Variants in PRKCH observed in about 807,000 individuals in gnomAD.
PRKCH encodes the protein protein kinase C eta, also known as protein kinase C eta type.
In PRKCH, 28 loss-of-function variants were observed where a neutral mutation model predicts 82.5. The observed-to-expected ratio is 0.34, with a 90% confidence interval of 0.25 to 0.47. PRKCH has a LOEUF of 0.47. Ranked by LOEUF, PRKCH falls within the 20% of genes least tolerant of loss-of-function variation. The pLI is 1.00. For synonymous variants in PRKCH, 322 were observed against 327.4 expected (o/e 0.98, Z 0.18); for missense variants, 705 against 881.8 (o/e 0.80, Z 2.54).
chr14:61,410,267 A>G (rs1023377002), intron 2 of PRKCH, among the ~76,000 whole-genome samples: 1 of 152,132 alleles, frequency 6.6e-6, no homozygotes, highest in African/African-American at 2.4e-5. Context: ...TAAATCTAGT[A>G]TTTGATTATT....
intron 1 of PRKCH, among the ~76,000 whole-genome samples, chr14:61,235,377 A>G (rs1348129466): frequency 6.6e-6 from 1 of 152,188 alleles, no homozygotes; most frequent in African/African-American, 2.4e-5. Flanking sequence ...ATCATTCCCA[A>G]CGGTATGTTA....
At chr14:61,347,292 G>A (rs1178406216) in intron 1 of PRKCH, among the ~76,000 whole-genome samples, 3 of 152,276 alleles carry the variant, frequency 2.0e-5, no homozygotes, top group East Asian at 3.8e-4. Flanking sequence ...TGGGGTTGAG[G>A]TATTGCAGTT....
intron 10 of PRKCH, chr14:61,525,849 C>G (rs746334620): frequency 6.6e-6 from 1 of 152,240 alleles, no homozygotes; most frequent in Non-Finnish European, 1.5e-5. Context: ...ACAGGCCTGG[C>G]TTGTCAGGCT....
chr14:61,413,384 T>A (rs1419538065), intron 2 of PRKCH, among the ~76,000 whole-genome samples: 2 of 135,606 alleles, frequency 1.5e-5, no homozygotes, highest in Non-Finnish European at 3.2e-5. Context: ...ATGACAACCT[T>A]CATCATTTCT....
chr14:61,391,342 C>G (rs1224032451), intron 2 of PRKCH, 54 bp downstream of exon 2: 1 of 1,396,032 alleles, frequency 7.2e-7, no homozygotes, highest in Admixed American at 2.1e-5. Flanking sequence ...GGTTTACACT[C>G]AGTAGGAATT....
intron 1 of PRKCH, among the ~76,000 whole-genome samples, chr14:61,309,024 C>A (rs1417445321): frequency 2.7e-5 from 4 of 149,858 alleles, no homozygotes; most frequent in African/African-American, 1.0e-4. Flanking sequence ...TGTCTCATGC[C>A]TATAATCCTA....
intron 2 of PRKCH, among the ~76,000 whole-genome samples, chr14:61,410,599 A>G (rs1428689407): frequency 6.6e-6 from 1 of 152,208 alleles, no homozygotes; most frequent in Non-Finnish European, 1.5e-5. Context: ...ATTGTGGCCA[A>G]TGGAGTGAGG....
At chr14:61,246,141 C>T (rs1007995548) in intron 1 of PRKCH, among the ~76,000 whole-genome samples, 20 of 151,950 alleles carry the variant, frequency 1.3e-4, no homozygotes, top group African/African-American at 4.8e-4. Context: ...CGCGGTGGCT[C>T]ACACCTATAA....
chr14:61,302,137 T>C (rs894253478), intron 1 of PRKCH, among the ~76,000 whole-genome samples: 1 of 152,236 alleles, frequency 6.6e-6, no homozygotes, highest in Non-Finnish European at 1.5e-5. Context: ...TTATCTAAGT[T>C]GTTGAATTTA....
chr14:61,306,253 T>C (rs917708440), intron 1 of PRKCH: 1 of 152,238 alleles, frequency 6.6e-6, no homozygotes, highest in African/African-American at 2.4e-5. Flanking sequence ...CCAGTTCTCT[T>C]GTTCATAGCA....
chr14:61,327,417 A>T (rs112948901), intron 1 of PRKCH, among the ~76,000 whole-genome samples: 11 of 152,314 alleles, frequency 7.2e-5, no homozygotes, highest in African/African-American at 2.6e-4. Context: ...CTGACTGATC[A>T]ACCCACAGTG....
intron 2 of PRKCH, among the ~76,000 whole-genome samples, chr14:61,435,097 C>T (rs1369757019): frequency 6.6e-6 from 1 of 152,170 alleles, no homozygotes; most frequent in Non-Finnish European, 1.5e-5. Context: ...CTTCCTCACC[C>T]GCTGAGGGTG....
intron 1 of PRKCH, among the ~76,000 whole-genome samples, chr14:61,209,742 C>T (rs986187539): frequency 8.5e-5 from 13 of 152,082 alleles, no homozygotes; most frequent in African/African-American, 3.1e-4. Context: ...GGGTTTCTAC[C>T]GTACCCATCA....
At chr14:61,270,470 G>A (rs935120442) in intron 1 of PRKCH, among the ~76,000 whole-genome samples, 2 of 152,170 alleles carry the variant, frequency 1.3e-5, no homozygotes, top group African/African-American at 4.8e-5. Flanking sequence ...ACCTGCAGGG[G>A]CTCCTGTGTT....
intron 1 of PRKCH, among the ~76,000 whole-genome samples, chr14:61,384,152 G>A (rs11850041): frequency 0.036 from 5,432 of 152,196 alleles, 289 homozygotes; most frequent in African/African-American, 0.12. Flanking sequence ...AGATGGTCAC[G>A]GTGCCTCAAG....
At chr14:61,341,046 C>T (rs922622605) in intron 1 of PRKCH, among the ~76,000 whole-genome samples, 12 of 152,216 alleles carry the variant, frequency 7.9e-5, no homozygotes, top group Non-Finnish European at 1.3e-4. Context: ...AGTTGTATTC[C>T]CTCAAATCCA....
chr14:61,463,160 A>C (rs910499330), intron 9 of PRKCH: 7 of 152,230 alleles, frequency 4.6e-5, no homozygotes, highest in Non-Finnish European at 7.3e-5. Context: ...AGTTCTTATC[A>C]TTAAAATGAA....
At chr14:61,514,314 T>TAAA (rs546556676) in intron 10 of PRKCH, among the ~76,000 whole-genome samples, 4,807 of 132,004 alleles carry the variant, frequency 0.036, 283 homozygotes, top group African/African-American at 0.13. Context: ...TCTTCTCCTT[T>TAAA]AAAAAAAAAA....
intron 4 of PRKCH, among the ~76,000 whole-genome samples, chr14:61,447,631 CT>C (rs1417508783): frequency 6.6e-6 from 1 of 152,096 alleles, no homozygotes; most frequent in Non-Finnish European, 1.5e-5. Context: ...AAATCAATTA[CT>C]GTAAGATAGC....
Sources: allele counts gnomAD v4.1 joint callset (sites outside exome capture counted in the v4.1 genomes callset), GRCh38; gene constraint gnomAD v4.1.1; transcripts MANE v1.5; gene names NCBI Gene and HGNC (gene_info 2026-07-23, HGNC 2026-07-21).